Variants in NRXN3 observed in about 807,000 individuals in gnomAD.
NRXN3 encodes the protein neurexin 3.
NRXN3 carries 32 observed loss-of-function variants against 137.6 expected under a neutral mutation model. That is an observed-to-expected ratio of 0.23 (90% CI 0.18 to 0.31). The LOEUF (loss-of-function observed/expected upper bound fraction) is 0.31, where lower values mean the gene tolerates loss of function less well. Ranked by LOEUF, NRXN3 falls within the 10% of genes least tolerant of loss-of-function variation. NRXN3 has a pLI of 1.00. For missense variants in NRXN3, 1,574 were observed against 2,062.5 expected, an observed-to-expected ratio of 0.76 and a Z score of 4.59; for synonymous variants, 798 against 784.5, an observed-to-expected ratio of 1.02 and a Z score of -0.29.
rs868097964 is a variant in NRXN3, at chr14:78,926,934, T to A, written c.2276-30308T>A. On this transcript the variant is annotated intron_variant, in intron 10 of 20. Coordinates refer to ENST00000335750, the MANE Select transcript of NRXN3 (RefSeq NM_001330195.2). ...AATATATATATAATATATAATATAT[T>A]TATATATATATATAATATATATAAT... Among the ~76,000 whole-genome samples, 7 of 30,502 alleles carry A rather than the reference T, an allele frequency of 2.3e-4. 1 individual carries two copies. The highest frequency in any genetic ancestry group is 1.1e-3 in the Admixed American group (2 of 1,858). 20.0% of individuals were successfully genotyped at this position (30,502 alleles called of 152,430 possible).
rs148768301 is a variant in NRXN3 at position 78,772,018 on chromosome 14, T to C, written c.2045-31602T>C. ...TTCATTATGTGTCATATATACCTTA[T>C]ATACATAGCTGGAAGGTAATTTTAT... On this transcript the variant is annotated intron_variant, in intron 8 of 20. Transcript: ENST00000335750. Among the ~76,000 whole-genome samples the C allele has an allele frequency of 3.3e-5, 5 of 152,288 alleles. No homozygotes were observed. In the East Asian group the frequency reaches 9.6e-4, roughly 29 times the overall value.
intron 16 of NRXN3, among the ~76,000 whole-genome samples, chr14:79,508,388 TGA>T (rs1348243993): frequency 1.1e-4 from 12 of 105,478 alleles, no homozygotes; most frequent in Middle Eastern, 4.6e-3. Context: ...AAACAATAAC[TGA>T]TTTTTTTTTT....
intron 15 of NRXN3, among the ~76,000 whole-genome samples, chr14:79,231,958 A>C (rs1597566959): frequency 6.6e-6 from 1 of 152,290 alleles, no homozygotes; most frequent in Non-Finnish European, 1.5e-5. Flanking sequence ...AGAAAATTTT[A>C]AAATACTTAG....
intron 4 of NRXN3, among the ~76,000 whole-genome samples, chr14:78,510,905 T>G (rs958860648): frequency 6.6e-6 from 1 of 152,186 alleles, no homozygotes; most frequent in African/African-American, 2.4e-5. Flanking sequence ...GATCTTTGCC[T>G]CTCCCCATGG....
intron 4 of NRXN3, among the ~76,000 whole-genome samples, chr14:78,419,961 G>GCACACACACACACACACA (rs1256574515): frequency 6.1e-5 from 3 of 49,242 alleles, no homozygotes; most frequent in South Asian, 7.8e-4. Context: ...GCGCGCGCAC[G>GCACACACACACACACACA]CACACACACA....
intron 19 of NRXN3, among the ~76,000 whole-genome samples, chr14:79,733,708 G>C (rs1179862843): frequency 6.8e-6 from 1 of 148,130 alleles, no homozygotes; most frequent in Non-Finnish European, 1.5e-5. Flanking sequence ...ATTATTTTTT[G>C]ATGGAATAAT....
intron 16 of NRXN3, among the ~76,000 whole-genome samples, chr14:79,477,998 G>T (rs1007788229): frequency 3.5e-4 from 53 of 151,942 alleles, no homozygotes; most frequent in African/African-American, 1.3e-3. Context: ...CAAGAGCCAG[G>T]CTATTGAAAT....
intron 1 of NRXN3, among the ~76,000 whole-genome samples, chr14:78,184,529 C>T (rs762815890): frequency 6.6e-6 from 1 of 152,154 alleles, no homozygotes; most frequent in Non-Finnish European, 1.5e-5. Flanking sequence ...TCTTTTTACT[C>T]AGAAAATAAG....
At chr14:78,905,241 A>C (rs2099211910) in intron 10 of NRXN3, among the ~76,000 whole-genome samples, 1 of 152,022 alleles carries the variant, frequency 6.6e-6, no homozygotes, top group Non-Finnish European at 1.5e-5. Flanking sequence ...CCTACACAAA[A>C]ATATCATATT....
intron 9 of NRXN3, among the ~76,000 whole-genome samples, chr14:78,805,428 A>G (rs180736102): frequency 2.0e-5 from 3 of 152,238 alleles, no homozygotes; most frequent in Admixed American, 6.5e-5. Context: ...TGCGGCCCGC[A>G]TAGCAAACAG....
chr14:78,299,123 A>G (rs962567455), intron 4 of NRXN3, among the ~76,000 whole-genome samples: 7 of 152,208 alleles, frequency 4.6e-5, no homozygotes, highest in African/African-American at 1.7e-4. Context: ...GACTTCAGAA[A>G]TTTCAATAAG....
intron 15 of NRXN3, among the ~76,000 whole-genome samples, chr14:79,034,557 G>T (rs1030830473): frequency 1.3e-5 from 2 of 152,136 alleles, no homozygotes; most frequent in Admixed American, 6.6e-5. Context: ...GGATGGGAGA[G>T]TCAAATGAGA....
intron 16 of NRXN3, among the ~76,000 whole-genome samples, chr14:79,605,000 C>G (rs1021705931): frequency 9.2e-5 from 14 of 152,140 alleles, no homozygotes; most frequent in Admixed American, 2.0e-4. Flanking sequence ...CCACTACACT[C>G]TAGCCTGGGC....
intron 8 of NRXN3, among the ~76,000 whole-genome samples, chr14:78,778,716 T>TCTC (rs2098754383): frequency 2.0e-5 from 3 of 148,472 alleles, no homozygotes; most frequent in African/African-American, 7.6e-5. Context: ...CTTTCTTTCT[T>TCTC]TCTTTCTTTC....
intron 16 of NRXN3, among the ~76,000 whole-genome samples, chr14:79,506,084 C>G (rs566003139): frequency 6.6e-6 from 1 of 152,294 alleles, no homozygotes; most frequent in African/African-American, 2.4e-5. Flanking sequence ...AAGCCAGCAA[C>G]AGAGACTAAA....
intron 4 of NRXN3, among the ~76,000 whole-genome samples, chr14:78,353,193 AG>A (rs2083796895): frequency 1.3e-5 from 2 of 152,188 alleles, no homozygotes; most frequent in Non-Finnish European, 2.9e-5. Flanking sequence ...AGTCAGGGAA[AG>A]CACAAGACCC....
At chr14:78,241,273 C>A (rs2067046798) in intron 1 of NRXN3, among the ~76,000 whole-genome samples, 1 of 152,178 alleles carries the variant, frequency 6.6e-6, no homozygotes, top group African/African-American at 2.4e-5. Context: ...ACCCCTCCTC[C>A]TGTCCCTTCC....
chr14:78,194,253 A>C (rs1016286408), intron 1 of NRXN3, among the ~76,000 whole-genome samples: 2 of 152,208 alleles, frequency 1.3e-5, no homozygotes, highest in African/African-American at 4.8e-5. Context: ...CAGGACTGCA[A>C]CATTTTTCTT....
intron 10 of NRXN3, among the ~76,000 whole-genome samples, chr14:78,837,768 A>G (rs1450155781): frequency 2.6e-5 from 4 of 152,192 alleles, no homozygotes; most frequent in African/African-American, 9.7e-5. Flanking sequence ...TTGGGCTTCC[A>G]TCTTTAGTGA....
Sources: gnomAD v4.1 joint callset for allele counts (sites outside exome capture counted in the v4.1 genomes callset) on GRCh38, gnomAD v4.1.1 for gene constraint, MANE v1.5 for transcripts, NCBI Gene and HGNC (gene_info 2026-07-23, HGNC 2026-07-21) for gene names.